The following KIF6 variants were observed in gnomAD, a reference collection of about 807,000 sequenced individuals.
KIF6 encodes kinesin-like protein KIF6.
Under a neutral mutation model 112.7 loss-of-function variants are expected in KIF6, and 106 were observed. The ratio of observed to expected loss-of-function variants is 0.94; its 90% CI spans 0.80 to 1.11. The LOEUF is 1.11. KIF6 is among the 50% of genes least tolerant of loss of function. The pLI is 0.00. For missense variants in KIF6, 929 were observed against 964.0 expected, an observed-to-expected ratio of 0.96 and a Z score of 0.48; for synonymous variants, 339 against 339.9, an observed-to-expected ratio of 1.00 and a Z score of 0.03.
intron 3 of KIF6, among the ~76,000 whole-genome samples, chr6:39,655,289 C>T (rs1785715409): frequency 6.6e-6 from 1 of 151,952 alleles, no homozygotes; most frequent in African/African-American, 2.4e-5. Flanking sequence ...CTGTTAATGT[C>T]CTTTGACTAC....
At chr6:39,612,068 A>C (rs538846542) in intron 6 of KIF6, among the ~76,000 whole-genome samples, 1 of 152,290 alleles carries the variant, frequency 6.6e-6, no homozygotes, top group South Asian at 2.1e-4. Context: ...AAAACTGGTA[A>C]ACAACTGTGA....
intron 3 of KIF6, among the ~76,000 whole-genome samples, chr6:39,668,111 G>C (rs558065309): frequency 2.6e-5 from 1 of 37,906 alleles, no homozygotes; most frequent in Admixed American, 3.4e-4. Context: ...CTCACCAAAA[G>C]CAGATGCCGT....
At chr6:39,477,801 C>A (rs1460361274) in intron 13 of KIF6, among the ~76,000 whole-genome samples, 1 of 152,048 alleles carries the variant, frequency 6.6e-6, no homozygotes, top group Non-Finnish European at 1.5e-5. Context: ...GCGGAGGTTG[C>A]AGTGAGCCGA....
At chr6:39,599,872 A>G (rs1334458027) in intron 6 of KIF6, among the ~76,000 whole-genome samples, 1 of 152,214 alleles carries the variant, frequency 6.6e-6, no homozygotes, top group Non-Finnish European at 1.5e-5. Context: ...ATTTCAAAGG[A>G]ATATGAGATT....
rs1041742171 is a variant in KIF6 at position 39,586,406 on chromosome 6, T to C, written c.847-2A>G. 8 of 1,613,232 alleles carry C rather than the reference T, an allele frequency of 5.0e-6. No individual in the cohort carries two copies. Among genetic ancestry groups the C allele is most frequent in the Non-Finnish European group, 6.8e-6 (8 of 1,179,462 alleles). On this transcript the variant is annotated splice_acceptor_variant, in intron 7 of 22. Coordinates refer to ENST00000287152, the MANE Select transcript of KIF6 (RefSeq NM_145027.6). LOFTEE classifies it high-confidence loss of function. ...CTTTTCTGAAAGGGCAATGATAACCTGTGGTAAAGTAGAAAGATAATGGGA... is the reference window on the plus strand; with the variant it reads ...CTTTTCTGAAAGGGCAATGATAACCCGTGGTAAAGTAGAAAGATAATGGGA...
intron 19 of KIF6, chr6:39,353,926 T>C (rs1764448509): frequency 3.5e-6 from 2 of 569,324 alleles, no homozygotes; most frequent in Admixed American, 2.1e-5. Flanking sequence ...CCCAGACCCA[T>C]GGGGGTGCCA....
At chr6:39,396,351 G>T (rs1193945282) in intron 15 of KIF6, among the ~76,000 whole-genome samples, 1 of 152,208 alleles carries the variant, frequency 6.6e-6, no homozygotes, top group Non-Finnish European at 1.5e-5. Context: ...CTCCATGGGA[G>T]TGGCATGGGG....
intron 13 of KIF6, among the ~76,000 whole-genome samples, chr6:39,458,497 A>AC (rs1424750928): frequency 6.6e-6 from 1 of 150,522 alleles, no homozygotes; most frequent in Non-Finnish European, 1.5e-5. Flanking sequence ...CTCCTATTCA[A>AC]CATAGTGTTG....
Position 39,725,367 on chromosome 6 carries a change from T to G in KIF6, c.-57A>C. 2.1e-6 allele frequency: 3 copies of G among 1,438,340 alleles called. No individual in the cohort carries two copies. Among genetic ancestry groups the G allele is most frequent in the Non-Finnish European group, 2.9e-6 (3 of 1,032,350 alleles). 89.1% of individuals were successfully genotyped at this position (1,438,340 alleles called of 1,614,324 possible). A position where few individuals can be genotyped will look rare whatever the true frequency, so the allele number is the denominator to read the frequency against. On this transcript the variant is annotated 5_prime_UTR_variant, in exon 1 of 23. Coordinates refer to ENST00000287152, the MANE Select transcript of KIF6 (RefSeq NM_145027.6). ...TCTCTCAGGCCCGGGCTGCCAAAAC[T>G]AACTCCCACCACCTCCGGCGACCCA...
At chr6:39,702,663 A>T (rs1345495666) in intron 3 of KIF6, among the ~76,000 whole-genome samples, 2 of 152,122 alleles carry the variant, frequency 1.3e-5, no homozygotes, top group Non-Finnish European at 2.9e-5. Flanking sequence ...CAGCCTCCCG[A>T]AGTGGTGGAA....
At chr6:39,584,306 C>G (rs184832669) in intron 9 of KIF6, among the ~76,000 whole-genome samples, 5 of 150,726 alleles carry the variant, frequency 3.3e-5, no homozygotes, top group African/African-American at 1.2e-4. Context: ...TGTCTGTGGT[C>G]CCAGCTACTT....
chr6:39,392,004 G>A (rs1321412878), intron 15 of KIF6, among the ~76,000 whole-genome samples: 3 of 152,064 alleles, frequency 2.0e-5, no homozygotes, highest in African/African-American at 7.2e-5. Context: ...GATACTTCAT[G>A]TCTCATGTCC....
chr6:39,466,009 C>A (rs2150431395), intron 13 of KIF6, among the ~76,000 whole-genome samples: 1 of 152,316 alleles, frequency 6.6e-6, no homozygotes, highest in East Asian at 1.9e-4. Context: ...GCTCTTGCCC[C>A]CATCATCCCT....
At chr6:39,567,858 T>C (rs932139975) in intron 10 of KIF6, among the ~76,000 whole-genome samples, 8 of 152,084 alleles carry the variant, frequency 5.3e-5, no homozygotes, top group Non-Finnish European at 1.0e-4. Flanking sequence ...CCGCCCGCCT[T>C]GGCCTCCCAA....
At chr6:39,462,259 T>G (rs757617801) in intron 13 of KIF6, among the ~76,000 whole-genome samples, 16 of 152,182 alleles carry the variant, frequency 1.1e-4, no homozygotes, top group Non-Finnish European at 1.6e-4. Flanking sequence ...AGAGGAGAAC[T>G]TGTTGGCACC....
chr6:39,559,223 G>A (rs917943666), intron 10 of KIF6, among the ~76,000 whole-genome samples: 10 of 152,160 alleles, frequency 6.6e-5, no homozygotes, highest in Non-Finnish European at 1.5e-4. Context: ...ATTATTAGAA[G>A]CTGGTAAGAA....
intron 13 of KIF6, among the ~76,000 whole-genome samples, chr6:39,526,553 G>A (rs1028119438): frequency 7.9e-5 from 12 of 152,152 alleles, no homozygotes; most frequent in Admixed American, 6.5e-5. Flanking sequence ...ACACCAGAAA[G>A]CAGAGATCCG....
At chr6:39,375,124 T>C (rs551370937) in intron 16 of KIF6, among the ~76,000 whole-genome samples, 1 of 152,170 alleles carries the variant, frequency 6.6e-6, no homozygotes, top group South Asian at 2.1e-4. Flanking sequence ...GAAAGACAAA[T>C]AGTGCATGAT....
chr6:39,683,698 G>A (rs1787665171), intron 3 of KIF6, among the ~76,000 whole-genome samples: 1 of 152,174 alleles, frequency 6.6e-6, no homozygotes, highest in South Asian at 2.1e-4. Context: ...GGCTCATGAA[G>A]GAGAGGAGGA....
Sources: allele counts gnomAD v4.1 joint callset (sites outside exome capture counted in the v4.1 genomes callset), GRCh38; gene constraint gnomAD v4.1.1; transcripts MANE v1.5; gene names NCBI Gene and HGNC (gene_info 2026-07-23, HGNC 2026-07-21).